PRKCZ: variants seen among roughly 807,000 people sequenced by gnomAD.
PRKCZ encodes the protein protein kinase C zeta, also known as protein kinase C zeta type.
PRKCZ carries 33 observed loss-of-function variants against 79.5 expected under a neutral mutation model. The ratio of observed to expected loss-of-function variants is 0.41; its 90% CI spans 0.31 to 0.55. The LOEUF is 0.55. PRKCZ is among the 20% of genes least tolerant of loss of function. The probability of loss-of-function intolerance (pLI) is 0.19; values close to 1 mark genes in which losing one functional copy is unlikely to be tolerated. For missense variants in PRKCZ, 578 were observed against 813.5 expected, an observed-to-expected ratio of 0.71 and a Z score of 3.52; for synonymous variants, 342 against 320.9, an observed-to-expected ratio of 1.07 and a Z score of -0.70.
Position 2,106,871 on chromosome 1 carries a change from C to CCCTCCGGTGGGCGAGGA in PRKCZ, c.335-28386_335-28385insGGTGGGCGAGGACCTCC, listed in dbSNP as rs1553148530. Among the ~76,000 whole-genome samples, 79 of 90,684 alleles carry CCCTCCGGTGGGCGAGGA rather than the reference C, an allele frequency of 8.7e-4. 7 individuals are homozygous for CCCTCCGGTGGGCGAGGA. Among genetic ancestry groups the CCCTCCGGTGGGCGAGGA allele is most frequent in the Non-Finnish European group, 1.5e-3 (56 of 38,282 alleles). 59.5% of individuals were successfully genotyped at this position (90,684 alleles called of 152,430 possible). ...CAGGCCAGGCGACTCTTCAGCAAGC[C>CCCTCCGGTGGGCGAGGA]CCTCCACACGTGTCACCAGGCCAGG... On this transcript the variant is annotated intron_variant, in intron 4 of 17. Coordinates refer to ENST00000378567, the MANE Select transcript of PRKCZ (RefSeq NM_002744.6).
Position 2,172,222 on chromosome 1 carries a change from C to T in PRKCZ, c.1197+32C>T, listed in dbSNP as rs1290793874. On this transcript the variant is annotated intron_variant, in intron 12 of 17. Coordinates refer to ENST00000378567, the MANE Select transcript of PRKCZ (RefSeq NM_002744.6). This position sits in a 1 kb window ranked among gnomAD's most constrained non-coding sequence, Gnocchi z 7.8. ...GCCTTGGACCGCCTCCCCTGACCATCCCGCATGTGCGTCTCGGGGCGCCTG... is the reference window on the plus strand; with the variant it reads ...GCCTTGGACCGCCTCCCCTGACCATTCCGCATGTGCGTCTCGGGGCGCCTG... The T allele has an allele frequency of 1.9e-6, 3 of 1,613,406 alleles. No homozygotes were observed. The highest frequency in any genetic ancestry group is 2.5e-6 in the Non-Finnish European group (3 of 1,180,022).
At chr1:2,088,584 G>T (rs1338865438) in intron 4 of PRKCZ, among the ~76,000 whole-genome samples, 1 of 152,212 alleles carries the variant, frequency 6.6e-6, no homozygotes, top group African/African-American at 2.4e-5. Flanking sequence ...CAGAGCCCGG[G>T]CTCCAGGATG....
intron 4 of PRKCZ, chr1:2,073,406 A>T (rs540583752): frequency 6.5e-6 from 1 of 154,790 alleles, no homozygotes; most frequent in African/African-American, 2.4e-5. Context: ...CAGCCTCTGG[A>T]CGCAGGTCAG....
At chr1:2,081,838 C>T (rs1405428522) in intron 4 of PRKCZ, among the ~76,000 whole-genome samples, 2 of 151,100 alleles carry the variant, frequency 1.3e-5, no homozygotes, top group Admixed American at 6.6e-5. Context: ...CCCCCAGCAT[C>T]CCCTTCCTGC....
intron 5 of PRKCZ, 58 bp from the exon 6 acceptor site, chr1:2,144,152 G>C (rs1274626223): frequency 1.3e-6 from 2 of 1,538,016 alleles, no homozygotes; most frequent in Non-Finnish European, 1.8e-6. Context: ...GGCCCTGCCT[G>C]TCCTCTCCGC....
intron 2 of PRKCZ, 43 bp downstream of exon 2, chr1:2,055,605 G>A: frequency 1.3e-6 from 2 of 1,589,588 alleles, no homozygotes; most frequent in Non-Finnish European, 8.6e-7. Flanking sequence ...AGCCTCAGGG[G>A]ACTTCGCCAG....
At chr1:2,150,425 G>A (rs1379560299) in intron 8 of PRKCZ, among the ~76,000 whole-genome samples, 1 of 152,230 alleles carries the variant, frequency 6.6e-6, no homozygotes, top group African/African-American at 2.4e-5. Flanking sequence ...TGATCAGGAA[G>A]GATGGGCCCA....
At chr1:2,130,164 C>T (rs1255991636) in intron 4 of PRKCZ, among the ~76,000 whole-genome samples, 1 of 152,200 alleles carries the variant, frequency 6.6e-6, no homozygotes, top group Non-Finnish European at 1.5e-5. Context: ...CCTCGACCTA[C>T]CGAGGTAGTG....
chr1:2,144,382 G>T (rs1238237602), intron 6 of PRKCZ, 41 bp downstream of exon 6: 1 of 1,546,464 alleles, frequency 6.5e-7, no homozygotes, highest in South Asian at 1.2e-5. Context: ...GCACGGGCGG[G>T]GTCGGGGCGT....
chr1:2,153,911 C>G (rs964685478), intron 9 of PRKCZ, among the ~76,000 whole-genome samples: 1 of 152,344 alleles, frequency 6.6e-6, no homozygotes, highest in South Asian at 2.1e-4. Context: ...ACTGCACTCT[C>G]TGGGGCCAGG....
chr1:2,103,378 C>T (rs1430680344), intron 4 of PRKCZ, among the ~76,000 whole-genome samples: 2 of 151,386 alleles, frequency 1.3e-5, no homozygotes, highest in African/African-American at 2.5e-5. Flanking sequence ...ATTTATTTAT[C>T]AGTTCAAGAC....
chr1:2,128,420 C>G lies in PRKCZ; in HGVS notation c.335-6842C>G, dbSNP rs1223271855. ...CCCAAGGGCTGTCGCCTGTCCCAGC[C>G]TGCTGCTCCGAGTTTAGTGTTTTAA... is the stretch of plus-strand genomic sequence containing the variant. On this transcript the variant is annotated intron_variant, in intron 4 of 17. Transcript: ENST00000378567. The surrounding 1 kb of genome is among the most constrained non-coding windows in gnomAD (Gnocchi z 6.5). Among the ~76,000 whole-genome samples the G allele has an allele frequency of 1.3e-5, 2 of 152,244 alleles. No homozygotes were observed. The highest frequency in any genetic ancestry group is 1.9e-4 in the East Asian group (1 of 5,202).
chr1:2,076,774 A>G (rs150831499), intron 4 of PRKCZ, among the ~76,000 whole-genome samples: 1 of 152,250 alleles, frequency 6.6e-6, no homozygotes, highest in African/African-American at 2.4e-5. Flanking sequence ...GCTTTATTCA[A>G]AAGAAGCCAC....
intron 16 of PRKCZ, among the ~76,000 whole-genome samples, chr1:2,183,117 G>C (rs937537479): frequency 1.3e-5 from 2 of 152,214 alleles, no homozygotes; most frequent in African/African-American, 4.8e-5. Flanking sequence ...TGTACTCCCA[G>C]CTACTCAGAA....
chr1:2,144,001 G>A (rs972159848), intron 5 of PRKCZ: 2 of 613,464 alleles, frequency 3.3e-6, no homozygotes, highest in Admixed American at 3.2e-5. Context: ...TCTCCTTGGG[G>A]CCACTGGTTC....
chr1:2,053,542 C>T (rs1659889278), intron 1 of PRKCZ, among the ~76,000 whole-genome samples: 1 of 152,164 alleles, frequency 6.6e-6, no homozygotes, highest in Admixed American at 6.5e-5. Flanking sequence ...TGCTGAAGGG[C>T]ACAGGGCAGC....
rs149626130 is a variant in PRKCZ, at chr1:2,097,465, C to T, written c.335-37797C>T. ...CTGGCGAGAGGGCTGGGTGGCCCGG[C>T]GATCAACCTGAAGGCATTCCTTACC... On this transcript the variant is annotated intron_variant, in intron 4 of 17. Coordinates refer to ENST00000378567, the MANE Select transcript of PRKCZ (RefSeq NM_002744.6). Among the ~76,000 whole-genome samples the T allele has an allele frequency of 2.8e-4, 43 of 152,292 alleles. 1 individual carries two copies. The highest frequency in any genetic ancestry group is 5.9e-4 in the Non-Finnish European group (40 of 68,014).
chr1:2,079,469 C>T (rs1295839672), intron 4 of PRKCZ, among the ~76,000 whole-genome samples: 1 of 152,222 alleles, frequency 6.6e-6, no homozygotes, highest in Admixed American at 6.5e-5. Flanking sequence ...GCCGCGTGCC[C>T]CAGGGCCTGA....
At position 2,149,494 on chromosome 1, in the gene PRKCZ, A is replaced by G. The variant is rs773049989; in HGVS notation, c.687+570A>G. Among the ~76,000 whole-genome samples, 5 of 152,034 alleles carry G rather than the reference A, an allele frequency of 3.3e-5. No individual in the cohort carries two copies. The highest frequency in any genetic ancestry group is 3.2e-3 in the Middle Eastern group (1 of 316). ...AAGCCCACTCCTTTCCAGAGCACCAACAAGTGTCACCCTCACAACTCGTGC... is the reference window on the plus strand; with the variant it reads ...AAGCCCACTCCTTTCCAGAGCACCAGCAAGTGTCACCCTCACAACTCGTGC... On this transcript the variant is annotated intron_variant, in intron 8 of 17. Transcript: ENST00000378567. The surrounding 1 kb of genome is among the most constrained non-coding windows in gnomAD (Gnocchi z 4.1).
Sources: allele counts gnomAD v4.1 joint callset (sites outside exome capture counted in the v4.1 genomes callset), GRCh38; gene constraint gnomAD v4.1.1; non-coding constraint Gnocchi (gnomAD v3.1); transcripts MANE v1.5; gene names NCBI Gene and HGNC (gene_info 2026-07-23, HGNC 2026-07-21).